The following CRAMP1 variants were observed in gnomAD, a reference collection of about 807,000 sequenced individuals.
The protein encoded by CRAMP1 is protein cramped-like.
Under a neutral mutation model 115.4 loss-of-function variants are expected in CRAMP1, and 50 were observed. The ratio of observed to expected loss-of-function variants is 0.43; its 90% confidence interval spans 0.35 to 0.55. The LOEUF is 0.55. CRAMP1 is among the 20% of genes least tolerant of loss of function. CRAMP1 has a pLI of 0.01. For synonymous variants in CRAMP1, 866 were observed against 745.4 expected (o/e 1.16, Z -2.64); for missense variants, 1,679 against 1,721.7 (o/e 0.98, Z 0.44).
At chr16:1,648,558 T>A (rs531014706) in intron 6 of CRAMP1, among the ~76,000 whole-genome samples, 14 of 151,082 alleles carry the variant, frequency 9.3e-5, no homozygotes, top group African/African-American at 2.9e-4. Context: ...TGAGCCGAGA[T>A]TGCACCGCTG....
chr16:1,666,073 G>C lies in CRAMP1; in HGVS notation c.2753G>C (p.Gly918Ala). The part of the protein sequence containing the change: ...FSILSNSSVT[G>A]RGSFRPIQSS... ...TCTGCTTTTGCCCTCGCCCTCGCAGGGAGAGGTTCGTTCCGGCCCATCCAG... is the reference window on the plus strand; with the variant it reads ...TCTGCTTTTGCCCTCGCCCTCGCAGCGAGAGGTTCGTTCCGGCCCATCCAG... The change falls in exon 15 of 21, where the codon GGG (glycine) becomes GCG (alanine). Residue 918 changes from glycine to alanine, a missense_variant and splice_region_variant. By Grantham distance (60) the Gly-to-Ala change is moderately conservative. Around this residue, in one of 8 missense-constraint regions of CRAMP1, gnomAD observed 709 missense variants for 741.9 expected, o/e 0.96. Transcript: ENST00000397412. The surrounding 1 kb of genome is among the most constrained non-coding windows in gnomAD (Gnocchi z 5.0). 6.2e-7 allele frequency: 1 copy of C among 1,604,786 alleles called. No homozygotes were observed. The highest frequency in any genetic ancestry group is 8.5e-7 in the Non-Finnish European group (1 of 1,175,494).
intron 4 of CRAMP1, among the ~76,000 whole-genome samples, chr16:1,636,295 TGGGAGG>T (rs1327757162): frequency 3.3e-5 from 5 of 151,036 alleles, no homozygotes; most frequent in African/African-American, 1.2e-4. Flanking sequence ...CCCTTGAACC[TGGGAGG>T]CGGAGGTTGC....
intron 6 of CRAMP1, among the ~76,000 whole-genome samples, chr16:1,648,120 G>GAA (rs372464410): frequency 4.9e-5 from 7 of 143,196 alleles, no homozygotes; most frequent in Non-Finnish European, 7.7e-5. Context: ...TTGATTGAAG[G>GAA]AAAAAAAAAA....
chr16:1,623,804 T>C (rs1164357408), intron 2 of CRAMP1, among the ~76,000 whole-genome samples: 1 of 152,232 alleles, frequency 6.6e-6, no homozygotes, highest in East Asian at 1.9e-4. Context: ...CACCAGGTTC[T>C]GGGGAACCAC....
At chr16:1,642,639 A>G (rs180738611) in intron 6 of CRAMP1, among the ~76,000 whole-genome samples, 29 of 152,340 alleles carry the variant, frequency 1.9e-4, no homozygotes, top group African/African-American at 6.5e-4. Flanking sequence ...CACTGGGCAC[A>G]TTGGAGGAAC....
At chr16:1,622,198 T>G (rs369296276) in intron 2 of CRAMP1, among the ~76,000 whole-genome samples, 18 of 152,340 alleles carry the variant, frequency 1.2e-4, no homozygotes, top group African/African-American at 4.1e-4. Flanking sequence ...CTCTGAAGTT[T>G]GTGATTGTTT....
chr16:1,665,767 G>A (rs993433790), intron 14 of CRAMP1: 5 of 407,290 alleles, frequency 1.2e-5, no homozygotes, highest in African/African-American at 6.1e-5. Flanking sequence ...ACTGCCCTGG[G>A]GCCTGTACCT....
At chr16:1,633,138 A>G (rs537776449) in intron 4 of CRAMP1, among the ~76,000 whole-genome samples, 1 of 152,320 alleles carries the variant, frequency 6.6e-6, no homozygotes, top group Admixed American at 6.5e-5. Context: ...CTGTGGCCAC[A>G]CTGCCACTCT....
chr16:1,657,537 C>G (rs1014175248), intron 10 of CRAMP1, among the ~76,000 whole-genome samples: 8 of 152,142 alleles, frequency 5.3e-5, no homozygotes, highest in African/African-American at 1.9e-4. Context: ...CTGGAAAGAC[C>G]ATCCCAGCTG....
At position 1,665,534 on chromosome 16, in the gene CRAMP1, G is replaced by C. The variant is rs142150825; in HGVS notation, c.2752+396G>C. On this transcript the variant is annotated intron_variant, in intron 14 of 20. Transcript: ENST00000397412. ...TTTAGTGGGGGCCTTGGCTCCTTGC[G>C]GTAGATATTACACAGGGAGAAGCCT... Among the ~76,000 whole-genome samples the C allele has an allele frequency of 1.9e-3, 287 of 152,268 alleles. 1 individual carries two copies. In the Middle Eastern group the frequency reaches 0.024, roughly 13 times the overall value.
chr16:1,666,353 C>T lies in CRAMP1; in HGVS notation c.2858-69C>T, dbSNP rs374231726. The T allele has an allele frequency of 1.9e-5, 28 of 1,466,348 alleles. No individual in the cohort carries two copies. Among genetic ancestry groups the T allele is most frequent in the African/African-American group, 2.8e-5 (2 of 71,782 alleles). The allele number at this position is 1,466,348 out of a possible 1,614,324, so 90.8% of individuals were successfully genotyped here. On this transcript the variant is annotated intron_variant, in intron 15 of 20. Coordinates refer to ENST00000397412, the MANE Select transcript of CRAMP1 (RefSeq NM_020825.4). This position sits in a 1 kb window ranked among gnomAD's most constrained non-coding sequence, Gnocchi z 5.0. ...GAGGTGCGAGGGAGAAGCTGTTCCC[C>T]GAGCCCTCTTGGGACATCTTATGGG...
chr16:1,619,027 T>G (rs752548658), intron 2 of CRAMP1, among the ~76,000 whole-genome samples: 1 of 152,232 alleles, frequency 6.6e-6, no homozygotes, highest in Non-Finnish European at 1.5e-5. Flanking sequence ...ACTTTTCGAT[T>G]TTCATTTTTG....
chr16:1,653,010 T>G, intron 7 of CRAMP1, 23 bp from the exon 8 acceptor site: 1 of 1,613,234 alleles, frequency 6.2e-7, no homozygotes, highest in South Asian at 1.1e-5. Flanking sequence ...GCACTAAACT[T>G]TCATGGTTCT....
intron 6 of CRAMP1, among the ~76,000 whole-genome samples, chr16:1,648,436 T>C (rs1481742521): frequency 1.3e-5 from 2 of 151,820 alleles, no homozygotes; most frequent in Non-Finnish European, 2.9e-5. Context: ...AAACCCCGTC[T>C]CTACTAAAAA....
intron 3 of CRAMP1, among the ~76,000 whole-genome samples, chr16:1,628,326 T>C (rs1412910023): frequency 6.6e-6 from 1 of 152,232 alleles, no homozygotes; most frequent in East Asian, 1.9e-4. Context: ...CGATCTTGGC[T>C]AAATGCAGCC....
At chr16:1,643,480 G>A (rs963689869) in intron 6 of CRAMP1, among the ~76,000 whole-genome samples, 1 of 152,024 alleles carries the variant, frequency 6.6e-6, no homozygotes, top group Non-Finnish European at 1.5e-5. Context: ...GGCGGAGGTT[G>A]CAGTGAACCA....
At chr16:1,653,306 CTG>C (rs1380390811) in intron 8 of CRAMP1, 150 bp downstream of exon 8, 1 of 964,478 alleles carries the variant, frequency 1.0e-6, no homozygotes, top group Non-Finnish European at 1.5e-6. Context: ...GTGGAGGCGA[CTG>C]GAGTCCAGGG....
intron 1 of CRAMP1, among the ~76,000 whole-genome samples, chr16:1,613,930 G>A (rs2036389729): frequency 6.6e-6 from 1 of 152,192 alleles, no homozygotes; most frequent in Non-Finnish European, 1.5e-5. Context: ...TTCTTTATGT[G>A]TGTTTTAAAA....
intron 2 of CRAMP1, 110 bp from the exon 3 acceptor site, chr16:1,625,863 G>GT: frequency 9.2e-7 from 1 of 1,088,630 alleles, no homozygotes; most frequent in Non-Finnish European, 1.3e-6. Flanking sequence ...CGGTTGAGGA[G>GT]TGTGGAGTGG....
Sources: allele counts gnomAD v4.1 joint callset (sites outside exome capture counted in the v4.1 genomes callset), GRCh38; gene constraint gnomAD v4.1.1; regional missense constraint gnomAD v4.1.1; non-coding constraint Gnocchi (gnomAD v3.1); transcripts MANE v1.5; gene names NCBI Gene and HGNC (gene_info 2026-07-23, HGNC 2026-07-21).